POT1: variants seen among roughly 807,000 people sequenced by gnomAD.
POT1 encodes protection of telomeres protein 1.
A neutral mutation model predicts 78.5 loss-of-function variants in POT1; 47 were observed. The observed-to-expected ratio is 0.60, with a 90% CI of 0.47 to 0.76. The LOEUF (loss-of-function observed/expected upper bound fraction) is 0.76, where lower values mean the gene tolerates loss of function less well. Ranked by LOEUF, POT1 falls within the 30% of genes least tolerant of loss-of-function variation. The pLI is 0.00. For missense variants in POT1, 646 were observed against 749.9 expected (o/e 0.86, Z 1.62); for synonymous variants, 259 against 260.7 (o/e 0.99, Z 0.06).
intron 6 of POT1, among the ~76,000 whole-genome samples, chr7:124,874,768 G>T (rs1347909104): frequency 3.3e-5 from 5 of 150,932 alleles, no homozygotes; most frequent in Admixed American, 2.0e-4. Context: ...AGAAAATGAG[G>T]TTAGGAAGAC....
chr7:124,834,254 T>C (rs1482342587), intron 15 of POT1, among the ~76,000 whole-genome samples: 1 of 151,990 alleles, frequency 6.6e-6, no homozygotes, highest in African/African-American at 2.4e-5. Flanking sequence ...AATTGACAAA[T>C]GGGACCTAAT....
intron 11 of POT1, among the ~76,000 whole-genome samples, chr7:124,847,530 T>C (rs937916316): frequency 2.6e-5 from 4 of 152,204 alleles, no homozygotes; most frequent in South Asian, 2.1e-4. Flanking sequence ...AGAGGCTTTA[T>C]TGTAGAGATT....
At chr7:124,853,278 T>G in intron 9 of POT1, 140 bp from the exon 10 acceptor site, 1 of 622,556 alleles carries the variant, frequency 1.6e-6, no homozygotes. Context: ...CAAAGTATGC[T>G]ATACGAGTGT....
chr7:124,875,909 C>G (rs1451475552), intron 6 of POT1, among the ~76,000 whole-genome samples: 1 of 151,946 alleles, frequency 6.6e-6, no homozygotes, highest in Middle Eastern at 3.2e-3. Context: ...ATTTACATAC[C>G]AAAATTTACA....
chr7:124,907,104 C>G (rs746407750), intron 3 of POT1, among the ~76,000 whole-genome samples: 1 of 152,042 alleles, frequency 6.6e-6, no homozygotes, highest in Non-Finnish European at 1.5e-5. Flanking sequence ...GAAAAAAATA[C>G]TATGCTACAA....
chr7:124,858,082 G>A (rs1795490668), intron 9 of POT1, among the ~76,000 whole-genome samples: 1 of 152,148 alleles, frequency 6.6e-6, no homozygotes, highest in African/African-American at 2.4e-5. Flanking sequence ...CACTGAAGCG[G>A]CTGCCTAGTT....
At chr7:124,880,360 T>C (rs369600000) in intron 6 of POT1, among the ~76,000 whole-genome samples, 7 of 152,204 alleles carry the variant, frequency 4.6e-5, no homozygotes, top group South Asian at 2.1e-4. Context: ...AAACTGTGAA[T>C]ATAAGACCAA....
chr7:124,911,051 C>T (rs1224739774), intron 3 of POT1, among the ~76,000 whole-genome samples: 4 of 151,996 alleles, frequency 2.6e-5, no homozygotes, highest in Non-Finnish European at 4.4e-5. Context: ...TTCATATTTG[C>T]ACCTGACATT....
At chr7:124,844,126 G>GTAT (rs1795099585) in intron 12 of POT1, among the ~76,000 whole-genome samples, 1 of 127,222 alleles carries the variant, frequency 7.9e-6, no homozygotes, top group Non-Finnish European at 1.6e-5. Context: ...GGCGATTGTG[G>GTAT]TTTTTTTTTT....
intron 11 of POT1, among the ~76,000 whole-genome samples, chr7:124,849,945 G>A (rs1795263620): frequency 6.6e-6 from 1 of 151,974 alleles, no homozygotes; most frequent in African/African-American, 2.4e-5. Context: ...AGTGATTGAA[G>A]GAATCACACT....
intron 6 of POT1, among the ~76,000 whole-genome samples, chr7:124,882,983 T>C (rs1348020268): frequency 1.3e-5 from 2 of 152,030 alleles, no homozygotes; most frequent in Non-Finnish European, 2.9e-5. Context: ...ATAGAATAGC[T>C]GGAAAACAGT....
intron 3 of POT1, among the ~76,000 whole-genome samples, chr7:124,908,953 A>G (rs1796828488): frequency 6.6e-6 from 1 of 151,884 alleles, no homozygotes; most frequent in African/African-American, 2.4e-5. Flanking sequence ...CATTTTTCAG[A>G]TAAGGGAGAA....
At chr7:124,824,701 T>C (rs1455486124) in intron 18 of POT1, among the ~76,000 whole-genome samples, 1 of 152,068 alleles carries the variant, frequency 6.6e-6, no homozygotes, top group Non-Finnish European at 1.5e-5. Flanking sequence ...AGTTTCAACA[T>C]AAGTACAAAT....
intron 15 of POT1, among the ~76,000 whole-genome samples, chr7:124,831,874 T>G (rs1299967042): frequency 6.6e-6 from 1 of 151,414 alleles, no homozygotes; most frequent in African/African-American, 2.4e-5. Context: ...AATGAAGGCA[T>G]AAAAACATTG....
intron 8 of POT1, among the ~76,000 whole-genome samples, chr7:124,860,064 C>T (rs899276618): frequency 2.0e-5 from 3 of 151,572 alleles, no homozygotes; most frequent in Non-Finnish European, 4.4e-5. Context: ...GACATTATAT[C>T]GAGTAATGTC....
intron 18 of POT1, among the ~76,000 whole-genome samples, chr7:124,824,965 T>C (rs953227080): frequency 2.0e-5 from 3 of 152,180 alleles, no homozygotes; most frequent in African/African-American, 7.2e-5. Flanking sequence ...TAATTTCAAC[T>C]AAAATGCTTG....
At chr7:124,859,178 T>C in intron 8 of POT1, 66 bp from the exon 9 acceptor site, 1 of 1,264,908 alleles carries the variant, frequency 7.9e-7, no homozygotes, top group Non-Finnish European at 1.1e-6. Flanking sequence ...AAAAGTTTTT[T>C]CCTGGAAACA....
At chr7:124,826,818 G>A (rs1305478409) in intron 17 of POT1, among the ~76,000 whole-genome samples, 1 of 152,158 alleles carries the variant, frequency 6.6e-6, no homozygotes, top group African/African-American at 2.4e-5. Context: ...GCAGTGAGCT[G>A]AGATCGTGCC....
intron 14 of POT1, 39 bp from the exon 15 acceptor site, chr7:124,835,453 T>G: frequency 1.3e-6 from 2 of 1,596,200 alleles, no homozygotes; most frequent in Non-Finnish European, 1.7e-6. Flanking sequence ...GTAGTGCAAA[T>G]AAAATGTAGA....
Sources: gnomAD v4.1 joint callset for allele counts (sites outside exome capture counted in the v4.1 genomes callset) on GRCh38, gnomAD v4.1.1 for gene constraint, MANE v1.5 for transcripts, NCBI Gene and HGNC (gene_info 2026-07-23, HGNC 2026-07-21) for gene names.